The following LRRC69 variants were observed in gnomAD, a reference collection of about 807,000 sequenced individuals.
The protein encoded by LRRC69 is leucine rich repeat containing 69.
Under a neutral mutation model 37.8 loss-of-function variants are expected in LRRC69, and 42 were observed. The observed-to-expected ratio is 1.11, with a 90% CI of 0.87 to 1.44. LRRC69 has a LOEUF of 1.44. Among genes scored for constraint, LRRC69 ranks in the 40% most tolerant of loss-of-function variants. LRRC69 has a pLI of 0.00. For missense variants in LRRC69, 357 were observed against 401.9 expected, an observed-to-expected ratio of 0.89 and a Z score of 0.96; for synonymous variants, 141 against 143.1, an observed-to-expected ratio of 0.99 and a Z score of 0.11.
At chr8:91,171,160 A>AG (rs1257214595) in intron 5 of LRRC69, among the ~76,000 whole-genome samples, 2 of 152,028 alleles carry the variant, frequency 1.3e-5, no homozygotes. Flanking sequence ...TATGAAAAAA[A>AG]GAATTTGGGT....
At chr8:91,112,367 A>G (rs572107506) in intron 1 of LRRC69, among the ~76,000 whole-genome samples, 112 of 152,122 alleles carry the variant, frequency 7.4e-4, no homozygotes, top group African/African-American at 2.6e-3. Flanking sequence ...CTTGGCCACA[A>G]CTACCCCTGA....
At chr8:91,158,830 G>C in intron 5 of LRRC69, 1 of 689,776 alleles carries the variant, frequency 1.4e-6, no homozygotes. Context: ...GTGTAAAATA[G>C]AATGTTACTT....
intron 5 of LRRC69, among the ~76,000 whole-genome samples, chr8:91,175,132 C>CATAA (rs2130589284): frequency 6.6e-6 from 1 of 152,162 alleles, no homozygotes; most frequent in East Asian, 1.9e-4. Context: ...TTGGTTGGAA[C>CATAA]ATAAATGGAG....
intron 6 of LRRC69, among the ~76,000 whole-genome samples, chr8:91,195,285 AGGTGT>A (rs569268271): frequency 0.012 from 1,880 of 151,880 alleles, 40 homozygotes; most frequent in African/African-American, 0.043. Flanking sequence ...ATTTTGGAAT[AGGTGT>A]GGTGTGGTGC....
chr8:91,114,225 T>A (rs1813465924), intron 1 of LRRC69, among the ~76,000 whole-genome samples: 1 of 151,926 alleles, frequency 6.6e-6, no homozygotes, highest in Non-Finnish European at 1.5e-5. Flanking sequence ...TGTAAGTTGG[T>A]ACAGTCATTA....
At chr8:91,106,917 C>T (rs1813323968) in intron 1 of LRRC69, among the ~76,000 whole-genome samples, 1 of 151,598 alleles carries the variant, frequency 6.6e-6, no homozygotes, top group Admixed American at 6.6e-5. Flanking sequence ...TTCAGCTTCC[C>T]AAGTAGTTGG....
chr8:91,152,032 T>C (rs1808748493), intron 5 of LRRC69, among the ~76,000 whole-genome samples: 1 of 151,800 alleles, frequency 6.6e-6, no homozygotes, highest in Non-Finnish European at 1.5e-5. Context: ...AAATTCTGAA[T>C]ATTAGACCTT....
intron 7 of LRRC69, among the ~76,000 whole-genome samples, chr8:91,212,073 A>G (rs1323697299): frequency 6.6e-6 from 1 of 152,110 alleles, no homozygotes; most frequent in Admixed American, 6.6e-5. Context: ...TCTGCCATCA[A>G]AGTTGAATTA....
intron 1 of LRRC69, among the ~76,000 whole-genome samples, chr8:91,110,110 A>G (rs1813383746): frequency 6.6e-6 from 1 of 152,096 alleles, no homozygotes; most frequent in African/African-American, 2.4e-5. Flanking sequence ...AATAGTTTAC[A>G]GAACCTGACA....
intron 7 of LRRC69, among the ~76,000 whole-genome samples, chr8:91,205,096 T>C (rs1362980770): frequency 1.3e-4 from 20 of 152,190 alleles, no homozygotes; most frequent in Admixed American, 1.3e-3. Context: ...CCTAGAAAGA[T>C]TGTATTATTA....
chr8:91,168,264 G>A (rs542323691), intron 5 of LRRC69, among the ~76,000 whole-genome samples: 8 of 151,896 alleles, frequency 5.3e-5, no homozygotes, highest in Non-Finnish European at 1.0e-4. Flanking sequence ...TCTAATTAGG[G>A]CTTTTGGAAA....
chr8:91,186,864 G>A (rs910779501), intron 5 of LRRC69, among the ~76,000 whole-genome samples: 1 of 152,044 alleles, frequency 6.6e-6, no homozygotes, highest in African/African-American at 2.4e-5. Context: ...GTTTTAAGAA[G>A]GTAGAATTGA....
chr8:91,217,440 C>A (rs1810071647), intron 7 of LRRC69, among the ~76,000 whole-genome samples: 1 of 152,140 alleles, frequency 6.6e-6, no homozygotes, highest in Admixed American at 6.5e-5. Flanking sequence ...TAAATTGTGT[C>A]TTTTGGGAGT....
chr8:91,184,855 A>G (rs182468413), intron 5 of LRRC69, among the ~76,000 whole-genome samples: 4 of 152,342 alleles, frequency 2.6e-5, no homozygotes, highest in Non-Finnish European at 4.4e-5. Context: ...AAGTGGAGAA[A>G]GAGTGAGAGA....
intron 7 of LRRC69, among the ~76,000 whole-genome samples, chr8:91,205,950 G>A (rs758408796): frequency 6.6e-6 from 1 of 152,130 alleles, no homozygotes; most frequent in Non-Finnish European, 1.5e-5. Context: ...TTGAGTTGGT[G>A]TTTATATCAG....
At chr8:91,219,077 A>T, downstream of LRRC69, 2 of 660,622 alleles carry the variant, frequency 3.0e-6, no homozygotes, top group Non-Finnish European at 5.1e-6. Context: ...GCCCTACTTA[A>T]GATACCATGC....
At chr8:91,156,933 A>G (rs901262961) in intron 5 of LRRC69, among the ~76,000 whole-genome samples, 1 of 151,074 alleles carries the variant, frequency 6.6e-6, no homozygotes, top group Non-Finnish European at 1.5e-5. Context: ...CTGTAAATAT[A>G]TGGATTTATT....
chr8:91,157,444 G>A, intron 5 of LRRC69: 1 of 1,605,732 alleles, frequency 6.2e-7, no homozygotes, highest in Non-Finnish European at 8.5e-7. Flanking sequence ...TGGGCTTATT[G>A]GGCCAATGAA....
intron 1 of LRRC69, among the ~76,000 whole-genome samples, chr8:91,110,575 G>A (rs142988073): frequency 0.014 from 2,140 of 149,054 alleles, 28 homozygotes; most frequent in Non-Finnish European, 0.021. Flanking sequence ...GGAGGTGGAG[G>A]TTGCAGTGAG....
Sources: gnomAD v4.1 joint callset for allele counts (sites outside exome capture counted in the v4.1 genomes callset) on GRCh38, gnomAD v4.1.1 for gene constraint, MANE v1.5 for transcripts, NCBI Gene and HGNC (gene_info 2026-07-23, HGNC 2026-07-21) for gene names.